The following HS2ST1 variants were observed in gnomAD, a reference collection of about 807,000 sequenced individuals.
The protein encoded by HS2ST1 is heparan sulfate 2-O-sulfotransferase 1.
Under a neutral mutation model 42.9 loss-of-function variants are expected in HS2ST1, and 18 were observed. The ratio of observed to expected loss-of-function variants is 0.42; its 90% CI spans 0.29 to 0.62. The LOEUF is 0.62. Among genes scored for constraint, HS2ST1 ranks in the 20% least tolerant of loss-of-function variants. The pLI is 0.21. For missense variants in HS2ST1, 334 were observed against 433.8 expected (o/e 0.77, Z 2.04); for synonymous variants, 146 against 152.9 (o/e 0.95, Z 0.33).
chr1:87,005,142 C>A (rs560459956), intron 1 of HS2ST1, among the ~76,000 whole-genome samples: 2 of 152,052 alleles, frequency 1.3e-5, no homozygotes, highest in South Asian at 4.1e-4. Flanking sequence ...AAGTTGATAT[C>A]TTTTGCTATG....
chr1:86,985,383 T>TATATAC lies in HS2ST1; in HGVS notation c.124+70224_124+70225insTATACA, dbSNP rs1413099470. On this transcript the variant is annotated intron_variant, in intron 1 of 6. Coordinates refer to ENST00000370550, the MANE Select transcript of HS2ST1 (RefSeq NM_012262.4). ...AAAAAAAAAAGTATATATATATATATACACACACACACACACATATATATA... is the reference window on the plus strand; with the variant it reads ...AAAAAAAAAAGTATATATATATATATATATACACACACACACACACACATATATATA... Among the ~76,000 whole-genome samples, 6 of 44,750 alleles carry TATATAC rather than the reference T, an allele frequency of 1.3e-4. 2 individuals carry two copies. Among genetic ancestry groups the TATATAC allele is most frequent in the African/African-American group, 2.5e-4 (5 of 19,724 alleles). 29.4% of individuals were successfully genotyped at this position (44,750 alleles called of 152,430 possible).
chr1:87,080,747 G>C (rs1397283864), intron 2 of HS2ST1, among the ~76,000 whole-genome samples: 1 of 152,178 alleles, frequency 6.6e-6, no homozygotes, highest in Non-Finnish European at 1.5e-5. Context: ...GGCGCAGAAA[G>C]AGAATCTGCA....
intron 1 of HS2ST1, chr1:87,046,300 A>C: frequency 1.4e-6 from 1 of 732,576 alleles, no homozygotes; most frequent in South Asian, 1.3e-5. Flanking sequence ...ACCTCTCCTG[A>C]CTGTACAATT....
Position 87,097,835 on chromosome 1 carries a change from T to C in HS2ST1, c.589-3T>C. 1 of 1,614,010 alleles carries C rather than the reference T, an allele frequency of 6.2e-7. No homozygotes were observed. Among genetic ancestry groups the C allele is most frequent in the Non-Finnish European group, 8.5e-7 (1 of 1,179,914 alleles). On this transcript the variant is annotated splice_region_variant and splice_polypyrimidine_tract_variant and intron_variant, in intron 4 of 6. Coordinates refer to ENST00000370550, the MANE Select transcript of HS2ST1 (RefSeq NM_012262.4). Reference sequence around the variant, plus strand: ...TACCCGTGCTGCTTTGTCTTTGTTCTAGACCTTTGATGAATGTGTAGCAGA... The same window carrying C: ...TACCCGTGCTGCTTTGTCTTTGTTCCAGACCTTTGATGAATGTGTAGCAGA...
At chr1:86,956,074 A>T (rs561223121) in intron 1 of HS2ST1, among the ~76,000 whole-genome samples, 1 of 152,218 alleles carries the variant, frequency 6.6e-6, no homozygotes, top group South Asian at 2.1e-4. Flanking sequence ...TCATACATAT[A>T]TGTGTGTATA....
intron 1 of HS2ST1, among the ~76,000 whole-genome samples, chr1:86,978,148 A>C (rs971386054): frequency 6.6e-6 from 1 of 152,208 alleles, no homozygotes; most frequent in Admixed American, 6.5e-5. Context: ...TATAGCATCT[A>C]TTAACAGGTT....
intron 1 of HS2ST1, among the ~76,000 whole-genome samples, chr1:86,981,481 T>C (rs1648589550): frequency 6.6e-6 from 1 of 152,166 alleles, no homozygotes; most frequent in Non-Finnish European, 1.5e-5. Flanking sequence ...ACAAACAAGT[T>C]AGTTATTTCC....
rs553272834 is a variant in HS2ST1 at position 86,942,776 on chromosome 1, G to A, written c.124+27616G>A. ...TTTCTTCATTGATAAGGTAAAGTTA[G>A]TTTTATACTGTTTATTTAAAACACC... On this transcript the variant is annotated intron_variant, in intron 1 of 6. Transcript: ENST00000370550. Among the ~76,000 whole-genome samples the A allele has an allele frequency of 7.9e-5, 12 of 152,112 alleles. No homozygotes were observed. In the East Asian group the frequency reaches 2.3e-3, roughly 29 times the overall value.
At position 86,960,426 on chromosome 1, in the gene HS2ST1, G is replaced by A. The variant is rs1021801519; in HGVS notation, c.124+45266G>A. 5.3e-5 allele frequency among the ~76,000 whole-genome samples: 8 copies of A among 152,076 alleles called. No homozygotes were observed. The South Asian group carries it at 1.0e-3, about 20-fold the overall frequency. On this transcript the variant is annotated intron_variant, in intron 1 of 6. Transcript: ENST00000370550. ...AAAGCATACTCCATGAAAGAAAGACGTTGTTAAGTTGGACTTCGTTAAAAT... is the reference window on the plus strand; with the variant it reads ...AAAGCATACTCCATGAAAGAAAGACATTGTTAAGTTGGACTTCGTTAAAAT...
At chr1:87,004,388 C>T (rs540490925) in intron 1 of HS2ST1, among the ~76,000 whole-genome samples, 2 of 152,262 alleles carry the variant, frequency 1.3e-5, no homozygotes, top group African/African-American at 4.8e-5. Flanking sequence ...GAGACTCTGT[C>T]TCAAAACAAA....
intron 1 of HS2ST1, among the ~76,000 whole-genome samples, chr1:87,010,121 A>ACT (rs1408518597): frequency 6.6e-6 from 1 of 152,150 alleles, no homozygotes; most frequent in Non-Finnish European, 1.5e-5. Context: ...TTTCATTAGT[A>ACT]AAGCAGGTCA....
At chr1:87,070,157 C>G (rs1334567856) in intron 1 of HS2ST1, among the ~76,000 whole-genome samples, 1 of 152,178 alleles carries the variant, frequency 6.6e-6, no homozygotes, top group Non-Finnish European at 1.5e-5. Context: ...GAGGAAACCT[C>G]TCACGCTTCT....
intron 1 of HS2ST1, among the ~76,000 whole-genome samples, chr1:87,061,604 G>A (rs1173586267): frequency 6.6e-6 from 1 of 151,938 alleles, no homozygotes; most frequent in East Asian, 1.9e-4. Flanking sequence ...ATATTCTATT[G>A]CTCTGTATAT....
At chr1:86,937,359 A>G (rs993228589) in intron 1 of HS2ST1, among the ~76,000 whole-genome samples, 5 of 152,182 alleles carry the variant, frequency 3.3e-5, no homozygotes, top group Non-Finnish European at 7.4e-5. Flanking sequence ...GTGGGAATAC[A>G]AGGAAATTAA....
Position 87,024,727 on chromosome 1 carries a change from A to G in HS2ST1, c.125-48207A>G, listed in dbSNP as rs185834290. Among the ~76,000 whole-genome samples, 31 of 152,294 alleles carry G rather than the reference A, an allele frequency of 2.0e-4. No homozygotes were observed. The East Asian group carries it at 5.8e-3, about 28-fold the overall frequency. Reference sequence around the variant, plus strand: ...GTTAAGCCCTCAATAAATGGTGACAATTGCCATTGAAATAGGAATACTTTT... The same window carrying G: ...GTTAAGCCCTCAATAAATGGTGACAGTTGCCATTGAAATAGGAATACTTTT... On this transcript the variant is annotated intron_variant, in intron 1 of 6. Coordinates refer to ENST00000370550, the MANE Select transcript of HS2ST1 (RefSeq NM_012262.4).
At chr1:86,983,883 T>C (rs558026932) in intron 1 of HS2ST1, among the ~76,000 whole-genome samples, 2 of 151,874 alleles carry the variant, frequency 1.3e-5, no homozygotes, top group Non-Finnish European at 2.9e-5. Flanking sequence ...CTACTAAAAA[T>C]ACAAAAATTA....
At chr1:87,052,991 C>T (rs1430770072) in intron 1 of HS2ST1, among the ~76,000 whole-genome samples, 1 of 152,114 alleles carries the variant, frequency 6.6e-6, no homozygotes, top group Non-Finnish European at 1.5e-5. Flanking sequence ...TGTATTTTAA[C>T]AAATGCTCCA....
chr1:87,092,536 G>A lies in HS2ST1; in HGVS notation c.455G>A (p.Gly152Asp), dbSNP rs1245694889. The A allele has an allele frequency of 1.9e-6, 3 of 1,539,650 alleles. No individual in the cohort carries two copies. Among genetic ancestry groups the A allele is most frequent in the Non-Finnish European group, 2.6e-6 (3 of 1,149,718 alleles). Residue 152 changes from glycine (G) to aspartate (D), a missense_variant, in exon 4 of 7, where the codon GGT (glycine) becomes GAT (aspartate). Physicochemically the swap from Gly to Asp is moderately conservative, Grantham distance 94. Transcript: ENST00000370550. ...HVSYLDFAKF[G>D]VKKKPIYINV... ...GAAATTTTGTTGTATTTCAGATTTG[G>A]TGTGAAGAAGAAACCAATTTACATT...
At chr1:87,099,254 A>C (rs954770383) in intron 5 of HS2ST1, among the ~76,000 whole-genome samples, 1 of 152,208 alleles carries the variant, frequency 6.6e-6, no homozygotes, top group African/African-American at 2.4e-5. Flanking sequence ...GGTAATTTAT[A>C]AAGAAAAGAG....
Sources: gnomAD v4.1 joint callset for allele counts (sites outside exome capture counted in the v4.1 genomes callset) on GRCh38, gnomAD v4.1.1 for gene constraint, MANE v1.5 for transcripts, NCBI Gene and HGNC (gene_info 2026-07-23, HGNC 2026-07-21) for gene names.